IPO11: variants seen among roughly 807,000 people sequenced by gnomAD.
IPO11 encodes the protein importin-11.
IPO11 carries 66 observed loss-of-function variants against 143.2 expected under a neutral mutation model. The ratio of observed to expected loss-of-function variants is 0.46; its 90% CI spans 0.38 to 0.57. The LOEUF (loss-of-function observed/expected upper bound fraction) is 0.57. IPO11 is among the 20% of genes least tolerant of loss of function. IPO11 has a pLI of 0.00. For synonymous variants in IPO11, 385 were observed against 377.8 expected, an observed-to-expected ratio of 1.02 and a Z score of -0.22; for missense variants, 1,026 against 1,141.0, an observed-to-expected ratio of 0.90 and a Z score of 1.45.
intron 20 of IPO11, among the ~76,000 whole-genome samples, chr5:62,524,520 G>A (rs1278181101): frequency 6.6e-6 from 1 of 152,006 alleles, no homozygotes; most frequent in Non-Finnish European, 1.5e-5. Flanking sequence ...TTTCATGAAA[G>A]ATTGAGCTAT....
chr5:62,513,957 C>T (rs867044333), intron 19 of IPO11, among the ~76,000 whole-genome samples: 30 of 141,818 alleles, frequency 2.1e-4, no homozygotes, highest in African/African-American at 6.8e-4. Flanking sequence ...CCAGACGGGG[C>T]GGCGGGGCAG....
At chr5:62,572,535 ATATTTGTTTGTT>A (rs1744164895) in intron 27 of IPO11, among the ~76,000 whole-genome samples, 1 of 137,428 alleles carries the variant, frequency 7.3e-6, no homozygotes, top group African/African-American at 2.7e-5. Context: ...GTGTATATGT[ATATTTGTTTGTT>A]TATTTATTTA....
intron 16 of IPO11, among the ~76,000 whole-genome samples, chr5:62,495,408 T>C (rs1251058095): frequency 6.6e-6 from 1 of 152,244 alleles, no homozygotes; most frequent in Non-Finnish European, 1.5e-5. Context: ...TATGGATGTG[T>C]TACAAAAGGG....
At chr5:62,580,179 A>G in intron 27 of IPO11, 2 of 1,551,220 alleles carry the variant, frequency 1.3e-6, no homozygotes, top group Non-Finnish European at 8.7e-7. Flanking sequence ...AGCCCTTTGC[A>G]TTTAAAGGAC....
intron 1 of IPO11, among the ~76,000 whole-genome samples, chr5:62,423,610 A>T (rs1250874040): frequency 6.6e-6 from 1 of 152,164 alleles, no homozygotes; most frequent in Non-Finnish European, 1.5e-5. Flanking sequence ...ACAGAATTTT[A>T]TGATGAACCC....
chr5:62,542,893 C>T (rs1743014039), intron 24 of IPO11, among the ~76,000 whole-genome samples: 1 of 152,040 alleles, frequency 6.6e-6, no homozygotes, highest in African/African-American at 2.4e-5. Flanking sequence ...TGTGATTAGA[C>T]TTAAGATGAC....
intron 5 of IPO11, among the ~76,000 whole-genome samples, chr5:62,455,705 G>T (rs552822258): frequency 1.3e-5 from 2 of 152,086 alleles, no homozygotes; most frequent in African/African-American, 4.8e-5. Flanking sequence ...GCAGTTGAGA[G>T]CAAATTGTTT....
intron 27 of IPO11, chr5:62,581,494 T>C (rs1744564005): frequency 2.0e-6 from 1 of 511,162 alleles, no homozygotes; most frequent in Non-Finnish European, 3.4e-6. Flanking sequence ...TGATATATAC[T>C]GTATTAAGTA....
chr5:62,517,596 T>C lies in IPO11; in HGVS notation c.1896+2095T>C, dbSNP rs1161060052. ...TTTTGTATTTTTAGTAGAGATGGGG[T>C]TTCTCCATGTTGGTCAGGCTGGTCT... On this transcript the variant is annotated intron_variant, in intron 20 of 29. Transcript: ENST00000325324. Among the ~76,000 whole-genome samples, 10 of 152,184 alleles carry C rather than the reference T, an allele frequency of 6.6e-5. No homozygotes were observed. The East Asian group carries it at 2.0e-3, about 30-fold the overall frequency.
chr5:62,440,565 C>A (rs996387698), intron 2 of IPO11, among the ~76,000 whole-genome samples: 2 of 151,938 alleles, frequency 1.3e-5, no homozygotes, highest in African/African-American at 4.8e-5. Context: ...CCATGTTGGC[C>A]AGGCTGGTCT....
intron 29 of IPO11, among the ~76,000 whole-genome samples, chr5:62,626,878 C>T (rs1746600674): frequency 6.6e-6 from 1 of 152,110 alleles, no homozygotes; most frequent in African/African-American, 2.4e-5. Flanking sequence ...TTCTACTAGG[C>T]TTTGATGCTT....
chr5:62,554,497 G>T (rs914753853), intron 26 of IPO11, among the ~76,000 whole-genome samples: 1 of 151,986 alleles, frequency 6.6e-6, no homozygotes, highest in Non-Finnish European at 1.5e-5. Flanking sequence ...TCTGCATATG[G>T]ATATCCAGTT....
chr5:62,497,162 G>A (rs1438977893), intron 16 of IPO11, among the ~76,000 whole-genome samples: 1 of 152,192 alleles, frequency 6.6e-6, no homozygotes, highest in Non-Finnish European at 1.5e-5. Context: ...TTATTAGAAG[G>A]AGACTGGCTG....
intron 12 of IPO11, among the ~76,000 whole-genome samples, 159 bp from the exon 13 acceptor site, chr5:62,487,612 T>TA (rs202175452): frequency 0.012 from 1,677 of 141,704 alleles, 32 homozygotes; most frequent in African/African-American, 0.043. Flanking sequence ...GTGTTGGTTA[T>TA]AAAAAAATGG....
In IPO11 at chr5:62,449,910, C is replaced by CTT; in HGVS notation, c.240-6_240-5dup. On this transcript the variant is annotated splice_polypyrimidine_tract_variant and intron_variant, in intron 3 of 29. Coordinates refer to ENST00000325324, the MANE Select transcript of IPO11 (RefSeq NM_016338.5). ...GTGGCATTCTTTTGCATAATCAATA[C>CTT]TTTTTTTTTTTTACAGTGCTCTCTC... 77 of 1,260,474 alleles carry CTT rather than the reference C, an allele frequency of 6.1e-5. No individual in the cohort carries two copies. Among genetic ancestry groups the CTT allele is most frequent in the East Asian group, 1.9e-4 (7 of 36,844 alleles). The allele number at this position is 1,260,474 out of a possible 1,614,324, so 78.1% of individuals were successfully genotyped here. A position where few individuals can be genotyped will look rare whatever the true frequency, so the allele number is the denominator to read the frequency against.
chr5:62,433,442 G>A (rs1383589974), intron 1 of IPO11, among the ~76,000 whole-genome samples: 2 of 151,998 alleles, frequency 1.3e-5, no homozygotes, highest in African/African-American at 4.8e-5. Flanking sequence ...ATATACTCTG[G>A]GCGCCAACTG....
intron 27 of IPO11, chr5:62,579,350 T>C (rs1744450613): frequency 8.4e-7 from 1 of 1,186,596 alleles, no homozygotes; most frequent in Non-Finnish European, 1.2e-6. Context: ...ATAAAAAAAA[T>C]TCATTTGATG....
Position 62,485,452 on chromosome 5 carries a change from A to G in IPO11, c.1208A>G (p.Tyr403Cys). 3.1e-6 allele frequency: 5 copies of G among 1,608,162 alleles called. No individual in the cohort carries two copies. Among genetic ancestry groups the G allele is most frequent in the Non-Finnish European group, 4.3e-6 (5 of 1,174,810 alleles). Reference protein sequence around the residue: ...VEETGGDSWKYSLRPCTEVLF... With the variant: ...VEETGGDSWKCSLRPCTEVLF... ...GAAACAGGAGGAGATTCTTGGAAATATAGTTTGAGGGTAAGTATTAATTGC... is the reference window on the plus strand; with the variant it reads ...GAAACAGGAGGAGATTCTTGGAAATGTAGTTTGAGGGTAAGTATTAATTGC... The change falls in exon 12 of 30, where the codon TAT becomes TGT. Residue 403 changes from tyrosine (Y) to cysteine (C), a missense_variant. Transcript: ENST00000325324.
rs529518764 is a variant in IPO11 at position 62,454,850 on chromosome 5, ACTTATT to A, written c.516+2924_516+2929del. Among the ~76,000 whole-genome samples, 118 of 152,256 alleles carry A rather than the reference ACTTATT, an allele frequency of 7.8e-4. 2 individuals are homozygous for A. The highest frequency in any genetic ancestry group is 2.6e-3 in the African/African-American group (110 of 41,552). On this transcript the variant is annotated intron_variant, in intron 5 of 29. Coordinates refer to ENST00000325324, the MANE Select transcript of IPO11 (RefSeq NM_016338.5). ...AAGTGAATGAACAATAGAACAGGAG[ACTTATT>A]CTTATTAGATGCCTGCTGGATTTCA...
Sources: gnomAD v4.1 joint callset for allele counts (sites outside exome capture counted in the v4.1 genomes callset) on GRCh38, gnomAD v4.1.1 for gene constraint, MANE v1.5 for transcripts, NCBI Gene and HGNC (gene_info 2026-07-23, HGNC 2026-07-21) for gene names.